FAM184A: variants seen among roughly 807,000 people sequenced by gnomAD.
FAM184A encodes the protein family with sequence similarity 184 member A.
FAM184A carries 99 observed loss-of-function variants against 143.8 expected under a neutral mutation model. The observed-to-expected ratio is 0.69, with a 90% CI of 0.58 to 0.81. The LOEUF is 0.81. FAM184A is among the 40% of genes least tolerant of loss of function. The pLI is 0.00. For synonymous variants in FAM184A, 427 were observed against 446.4 expected, an observed-to-expected ratio of 0.96 and a Z score of 0.55; for missense variants, 1,217 against 1,310.5, an observed-to-expected ratio of 0.93 and a Z score of 1.10.
Position 119,061,768 on chromosome 6 carries a change from G to C in FAM184A, c.159+16373C>G, listed in dbSNP as rs573108294. Among the ~76,000 whole-genome samples, 76 of 151,948 alleles carry C rather than the reference G, an allele frequency of 5.0e-4. 2 individuals carry two copies. In the South Asian group the frequency reaches 0.016, roughly 32 times the overall value. On this transcript the variant is annotated intron_variant, in intron 1 of 17. Transcript: ENST00000338891. Reference sequence around the variant, plus strand: ...GGACTTATAAAAACGTGATGAGAGAGGATGGGAAGGGCTTGAGGAAGGGAG... The same window carrying C: ...GGACTTATAAAAACGTGATGAGAGACGATGGGAAGGGCTTGAGGAAGGGAG...
chr6:119,139,160 T>C (rs562002056), intron 1 of FAM184A, among the ~76,000 whole-genome samples: 3 of 152,298 alleles, frequency 2.0e-5, no homozygotes, highest in South Asian at 4.1e-4. Context: ...TGGTTTTATC[T>C]GCTTTCCTTT....
chr6:119,107,750 C>T (rs1238795497), intron 1 of FAM184A, among the ~76,000 whole-genome samples: 1 of 144,730 alleles, frequency 6.9e-6, no homozygotes, highest in Non-Finnish European at 1.5e-5. Flanking sequence ...TGCACTCCAG[C>T]CTGGGTGACA....
chr6:119,039,936 G>A (rs1011349384), intron 1 of FAM184A, among the ~76,000 whole-genome samples: 1 of 152,196 alleles, frequency 6.6e-6, no homozygotes. Context: ...CCTCAGATGG[G>A]CATGTGTATA....
At position 119,116,002 on chromosome 6, in the gene FAM184A, CACACAT is replaced by C. The variant is rs1457817604; in HGVS notation, c.-202+33070_-202+33075del. 3.4e-5 allele frequency among the ~76,000 whole-genome samples: 5 copies of C among 147,402 alleles called. No individual in the cohort carries two copies. The South Asian group carries it at 6.3e-4, about 19-fold the overall frequency. On this transcript the variant is annotated intron_variant, in intron 1 of 16. Transcript: ENST00000352896. ...ACACACACACACACACACACACACA[CACACAT>C]ACACACACACAACGAGAGAGAGAGA... is the stretch of plus-strand genomic sequence containing the variant.
intron 1 of FAM184A, among the ~76,000 whole-genome samples, chr6:119,136,692 T>TA (rs1170344603): frequency 6.6e-6 from 1 of 152,266 alleles, no homozygotes; most frequent in African/African-American, 2.4e-5. Flanking sequence ...TGTTCCTAGA[T>TA]ACTATCATGA....
chr6:118,986,166 G>A (rs867861890), intron 9 of FAM184A, among the ~76,000 whole-genome samples: 2 of 152,048 alleles, frequency 1.3e-5, no homozygotes, highest in African/African-American at 4.8e-5. Flanking sequence ...GGCAGCGGGC[G>A]CCTGTAGTCC....
At chr6:119,023,840 AAAG>A in intron 2 of FAM184A, 116 bp downstream of exon 2, 2 of 676,836 alleles carry the variant, frequency 3.0e-6, no homozygotes, top group South Asian at 4.3e-5. Flanking sequence ...AAAAAAAAAA[AAAG>A]TCTAAGTGGT....
intron 1 of FAM184A, among the ~76,000 whole-genome samples, chr6:119,114,266 GA>G (rs1173168601): frequency 1.3e-5 from 2 of 152,126 alleles, no homozygotes; most frequent in African/African-American, 4.8e-5. Context: ...TAAAAATACA[GA>G]ATGCCCAGTT....
At chr6:119,069,234 A>G (rs921454002) in intron 1 of FAM184A, 1 of 205,262 alleles carries the variant, frequency 4.9e-6, no homozygotes, top group African/African-American at 2.4e-5. Flanking sequence ...CCAAACACAT[A>G]GACCTATATA....
chr6:118,965,158 C>A lies in FAM184A; in HGVS notation c.3034-387G>T, dbSNP rs552061490. Among the ~76,000 whole-genome samples, 17 of 146,116 alleles carry A rather than the reference C, an allele frequency of 1.2e-4. 1 individual carries two copies. The East Asian group carries it at 3.2e-3, about 28-fold the overall frequency. ...ATATCATTAATCTTTATTTCCATTT[C>A]TTTTTATAGGCATGTGCCACCATAC... On this transcript the variant is annotated intron_variant, in intron 15 of 17. Transcript: ENST00000338891.
chr6:119,002,755 C>T (rs1324512712), intron 9 of FAM184A, 144 bp downstream of exon 9: 1 of 688,054 alleles, frequency 1.5e-6, no homozygotes, highest in East Asian at 2.8e-5. Context: ...AATACATCTT[C>T]CTGGTTTTAT....
chr6:118,970,361 C>T (rs1262086707), intron 14 of FAM184A, among the ~76,000 whole-genome samples: 1 of 151,936 alleles, frequency 6.6e-6, no homozygotes, highest in East Asian at 1.9e-4. Context: ...TATTTCACAA[C>T]ACTCAGGCAG....
chr6:118,975,282 A>G (rs968087292), intron 12 of FAM184A, 74 bp from the exon 13 acceptor site: 2 of 1,050,460 alleles, frequency 1.9e-6, no homozygotes. Context: ...GGGAAAGAAA[A>G]TGACACACTG....
intron 4 of FAM184A, among the ~76,000 whole-genome samples, chr6:119,018,182 G>T (rs1052442228): frequency 6.6e-6 from 1 of 152,198 alleles, no homozygotes; most frequent in African/African-American, 2.4e-5. Flanking sequence ...CGGTGAGAAA[G>T]TGCATGTGCG....
At position 119,071,860 on chromosome 6, in the gene FAM184A, CTT is replaced by C. The variant is rs35786966; in HGVS notation, c.159+6279_159+6280del. Among the ~76,000 whole-genome samples, 173 of 94,138 alleles carry C rather than the reference CTT, an allele frequency of 1.8e-3. 1 individual carries two copies. Among genetic ancestry groups the C allele is most frequent in the African/African-American group, 6.3e-3 (159 of 25,362 alleles). 61.8% of individuals were successfully genotyped at this position (94,138 alleles called of 152,430 possible). A position where few individuals can be genotyped will look rare whatever the true frequency, so the allele number is the denominator to read the frequency against. On this transcript the variant is annotated intron_variant, in intron 1 of 17. Transcript: ENST00000338891. ...ACAGTCTAAAGTCTAAACCTTTAAT[CTT>C]TTTTTTTTTTTTTTTTTTTTTGAGA...
At chr6:119,093,082 C>A (rs188253455) in intron 1 of FAM184A, among the ~76,000 whole-genome samples, 1 of 152,162 alleles carries the variant, frequency 6.6e-6, no homozygotes, top group Admixed American at 6.5e-5. Flanking sequence ...CCCATTGACC[C>A]TAGAAGGCTC....
At chr6:119,088,959 T>A (rs568650191) in intron 1 of FAM184A, among the ~76,000 whole-genome samples, 3 of 152,184 alleles carry the variant, frequency 2.0e-5, no homozygotes, top group Non-Finnish European at 4.4e-5. Flanking sequence ...CTAAGCCACC[T>A]CTTTTCTTCA....
intron 14 of FAM184A, among the ~76,000 whole-genome samples, chr6:118,973,390 T>A (rs1783752709): frequency 6.6e-6 from 1 of 152,186 alleles, no homozygotes. Context: ...CAGGAGGTTA[T>A]TCTAGACTGT....
chr6:119,041,146 T>C (rs940509527), intron 1 of FAM184A, among the ~76,000 whole-genome samples: 1 of 152,150 alleles, frequency 6.6e-6, no homozygotes, highest in African/African-American at 2.4e-5. Flanking sequence ...AAAGACATGA[T>C]CATTTTATTA....
Sources: allele counts gnomAD v4.1 joint callset (sites outside exome capture counted in the v4.1 genomes callset), GRCh38; gene constraint gnomAD v4.1.1; transcripts MANE v1.5; gene names NCBI Gene and HGNC (gene_info 2026-07-23, HGNC 2026-07-21).